LRPPRC: variants seen among roughly 807,000 people sequenced by gnomAD.
LRPPRC encodes the protein leucine-rich PPR motif-containing protein, mitochondrial.
In LRPPRC, 120 loss-of-function variants were observed where a neutral mutation model predicts 180.3. The ratio of observed to expected loss-of-function variants is 0.67; its 90% CI spans 0.57 to 0.77. LRPPRC has a LOEUF of 0.77. Among genes scored for constraint, LRPPRC ranks in the 30% least tolerant of loss-of-function variants. The probability of loss-of-function intolerance (pLI) is 0.00; values close to 1 mark genes in which losing one functional copy is unlikely to be tolerated. For missense variants in LRPPRC, 2,012 were observed against 1,657.2 expected, an observed-to-expected ratio of 1.21 and a Z score of -3.72; for synonymous variants, 723 against 600.0, an observed-to-expected ratio of 1.21 and a Z score of -3.00.
chr2:43,948,032 G>T, intron 18 of LRPPRC, 90 bp downstream of exon 18: 2 of 958,216 alleles, frequency 2.1e-6, no homozygotes, highest in South Asian at 1.4e-5. Flanking sequence ...TTTTTTTTCT[G>T]ACCAAAAGCA....
intron 36 of LRPPRC, among the ~76,000 whole-genome samples, chr2:43,891,804 A>G (rs1670501555): frequency 6.6e-6 from 1 of 152,252 alleles, no homozygotes; most frequent in South Asian, 2.1e-4. Flanking sequence ...TTAGTGAGGA[A>G]GGCATGTCAA....
At chr2:43,968,883 T>C (rs192453668) in intron 11 of LRPPRC, among the ~76,000 whole-genome samples, 1 of 152,192 alleles carries the variant, frequency 6.6e-6, no homozygotes, top group Admixed American at 6.5e-5. Flanking sequence ...ACCACACTCA[T>C]GCACACAGGC....
chr2:43,927,983 GAGA>G (rs1671950326), intron 25 of LRPPRC, among the ~76,000 whole-genome samples: 1 of 151,706 alleles, frequency 6.6e-6, no homozygotes, highest in African/African-American at 2.4e-5. Flanking sequence ...TAAAAACATG[GAGA>G]AGAATAGAAT....
In LRPPRC at chr2:43,973,812, A is replaced by G; in HGVS notation, c.1244T>C (p.Leu415Ser). 1 of 1,613,674 alleles carries G rather than the reference A, an allele frequency of 6.2e-7. No homozygotes were observed. Among genetic ancestry groups the G allele is most frequent in the East Asian group, 2.2e-5 (1 of 44,882 alleles). ...FPLQFTLHCA[L>S]LANKTDLAKA... The stretch of plus-strand genomic sequence containing the variant: ...TGTAGTACCAGTTTTATTGGCGAGT[A>G]AAGCACAATGGAGGGTGAACTGCAG... Residue 415 changes from leucine (L) to serine (S), a missense_variant, in exon 10 of 38, where the codon TTA becomes TCA. By Grantham distance (145) the Leu-to-Ser change is moderately radical. Coordinates refer to ENST00000260665, the MANE Select transcript of LRPPRC (RefSeq NM_133259.4).
intron 30 of LRPPRC, 30 bp from the exon 31 acceptor site, chr2:43,905,810 T>G (rs1161364384): frequency 1.5e-6 from 2 of 1,290,680 alleles, no homozygotes; most frequent in Admixed American, 3.4e-5. Context: ...AGAAAGGAAT[T>G]ACTGACATGC....
chr2:43,962,637 T>G (rs978119309), intron 12 of LRPPRC, among the ~76,000 whole-genome samples: 1 of 152,158 alleles, frequency 6.6e-6, no homozygotes, highest in African/African-American at 2.4e-5. Flanking sequence ...AATCAACATC[T>G]TCATGTGCCT....
intron 11 of LRPPRC, among the ~76,000 whole-genome samples, chr2:43,966,428 G>C (rs80189129): frequency 8.0e-6 from 1 of 124,850 alleles, no homozygotes; most frequent in Admixed American, 7.8e-5. Context: ...TTTTTTTTTT[G>C]AGACGGAGTT....
intron 8 of LRPPRC, 108 bp downstream of exon 8, chr2:43,974,506 A>G (rs1269551458): frequency 1.1e-6 from 1 of 877,054 alleles, no homozygotes; most frequent in African/African-American, 1.7e-5. Flanking sequence ...TAAGAGTTCT[A>G]TGTTCAACTC....
At chr2:43,964,855 T>C (rs1385763827) in intron 11 of LRPPRC, among the ~76,000 whole-genome samples, 2 of 152,044 alleles carry the variant, frequency 1.3e-5, no homozygotes, top group Admixed American at 6.5e-5. Context: ...CCCACACACA[T>C]ATAATCAACT....
At chr2:43,962,829 G>C (rs958184099) in intron 12 of LRPPRC, among the ~76,000 whole-genome samples, 1 of 152,152 alleles carries the variant, frequency 6.6e-6, no homozygotes, top group Non-Finnish European at 1.5e-5. Flanking sequence ...AACTGAAGCA[G>C]GGCACAGTGA....
chr2:43,980,097 G>C (rs972973722), intron 2 of LRPPRC, 149 bp from the exon 3 acceptor site: 3 of 727,366 alleles, frequency 4.1e-6, no homozygotes, highest in Admixed American at 2.4e-5. Flanking sequence ...CTATCCTAAT[G>C]TACAGTGTTA....
rs1278195012 is a variant in LRPPRC, at chr2:43,987,266, C to T, written c.150-4832G>A. Among the ~76,000 whole-genome samples the T allele has an allele frequency of 3.9e-5, 6 of 152,078 alleles. No individual in the cohort carries two copies. In the South Asian group the frequency reaches 8.3e-4, roughly 21 times the overall value. ...TCCCAGCACTTAGGGGAGGCCGAGG[C>T]GGGCAGATCACGAGGTCAGGAGATT... On this transcript the variant is annotated intron_variant, in intron 1 of 37. Transcript: ENST00000260665.
intron 25 of LRPPRC, among the ~76,000 whole-genome samples, chr2:43,930,491 G>GAAC (rs1253770139): frequency 1.3e-5 from 2 of 152,148 alleles, no homozygotes; most frequent in Admixed American, 1.3e-4. Flanking sequence ...TTTACTGGTT[G>GAAC]AACATCCCAA....
At chr2:43,897,044 G>A (rs1670712833) in intron 34 of LRPPRC, among the ~76,000 whole-genome samples, 1 of 152,172 alleles carries the variant, frequency 6.6e-6, no homozygotes, top group South Asian at 2.1e-4. Context: ...CAATTATACT[G>A]CCAAGCATTC....
At chr2:43,932,767 T>G (rs1019181101) in intron 25 of LRPPRC, among the ~76,000 whole-genome samples, 2 of 152,214 alleles carry the variant, frequency 1.3e-5, no homozygotes, top group African/African-American at 4.8e-5. Flanking sequence ...TATTATGTTC[T>G]CTTTTATACA....
chr2:43,993,125 G>A (rs987546275), intron 1 of LRPPRC, among the ~76,000 whole-genome samples: 2 of 152,124 alleles, frequency 1.3e-5, no homozygotes, highest in Admixed American at 1.3e-4. Context: ...AGGGGAAAAT[G>A]GAAGACAGAG....
At chr2:43,891,996 C>G (rs988506951) in intron 36 of LRPPRC, among the ~76,000 whole-genome samples, 2 of 152,170 alleles carry the variant, frequency 1.3e-5, no homozygotes, top group Non-Finnish European at 2.9e-5. Context: ...AAGATCAAAC[C>G]AGCCACAACA....
intron 28 of LRPPRC, 24 bp downstream of exon 28, chr2:43,918,232 T>C: frequency 6.2e-7 from 1 of 1,611,732 alleles, no homozygotes; most frequent in Non-Finnish European, 8.5e-7. Flanking sequence ...CAAAATCTGT[T>C]ACGATTATGC....
rs763619472 is a variant in LRPPRC, at chr2:43,960,582, C to T, written c.1541G>A (p.Ser514Asn). The stretch of plus-strand genomic sequence containing the variant: ...GTCTAAGTTCCCATTTGCTGCTTCA[C>T]TTCTCAATCCAGCTTGAGAAAACAT... The part of the protein sequence containing the change: ...SDMFSQAGLR[S>N]EAANGNLDFV... Residue 514 changes from serine to asparagine, a missense_variant, in exon 13 of 38, where the codon AGT (serine) becomes AAT (asparagine). Ser to Asn is a conservative substitution (Grantham distance 46, BLOSUM62 1). Coordinates refer to ENST00000260665, the MANE Select transcript of LRPPRC (RefSeq NM_133259.4). The T allele has an allele frequency of 1.9e-6, 3 of 1,606,922 alleles. No homozygotes were observed. Among genetic ancestry groups the T allele is most frequent in the South Asian group, 1.1e-5 (1 of 91,002 alleles).
Sources: gnomAD v4.1 joint callset for allele counts (sites outside exome capture counted in the v4.1 genomes callset) on GRCh38, gnomAD v4.1.1 for gene constraint, MANE v1.5 for transcripts, NCBI Gene and HGNC (gene_info 2026-07-23, HGNC 2026-07-21) for gene names.